Variants in CELF2 observed in about 807,000 individuals in gnomAD.
CELF2 encodes CUGBP Elav-like family member 2.
CELF2 carries 8 observed loss-of-function variants against 62.6 expected under a neutral mutation model. The observed-to-expected ratio is 0.13, with a 90% CI of 0.07 to 0.23. The LOEUF (loss-of-function observed/expected upper bound fraction) is 0.23. Ranked by LOEUF, CELF2 falls within the 10% of genes least tolerant of loss-of-function variation. CELF2 has a pLI of 1.00. For synonymous variants in CELF2, 258 were observed against 250.0 expected (o/e 1.03, Z -0.30); for missense variants, 333 against 671.0 (o/e 0.50, Z 5.56).
intron 1 of CELF2, among the ~76,000 whole-genome samples, chr10:10,822,142 C>G (rs1182640049): frequency 2.6e-5 from 4 of 152,186 alleles, no homozygotes; most frequent in African/African-American, 9.6e-5. Flanking sequence ...GTTCTAGAGC[C>G]TGTGTTTCCT....
chr10:10,828,830 G>T (rs916670334), intron 1 of CELF2, among the ~76,000 whole-genome samples: 8 of 151,278 alleles, frequency 5.3e-5, no homozygotes, highest in African/African-American at 1.7e-4. Context: ...GGACAGGAAT[G>T]AATTGAATAA....
rs1184244343 is a variant in CELF2, at chr10:11,302,804, T to C, written c.977-11335T>C. ...CTAAATTGACATGAGATTTTCACATTGTTCCGCTGTGCTGCGGACAGTGGA... is the reference window on the plus strand; with the variant it reads ...CTAAATTGACATGAGATTTTCACATCGTTCCGCTGTGCTGCGGACAGTGGA... On this transcript the variant is annotated intron_variant, in intron 9 of 12. Coordinates refer to ENST00000633077, the MANE Select transcript of CELF2 (RefSeq NM_001326342.2). This position sits in a 1 kb window ranked among gnomAD's most constrained non-coding sequence, Gnocchi z 5.0. Among the ~76,000 whole-genome samples, 1 of 152,204 alleles carries C rather than the reference T, an allele frequency of 6.6e-6. No homozygotes were observed. The highest frequency in any genetic ancestry group is 1.5e-5 in the Non-Finnish European group (1 of 68,032).
At chr10:11,114,745 C>T (rs2056148477) in intron 1 of CELF2, among the ~76,000 whole-genome samples, 1 of 152,208 alleles carries the variant, frequency 6.6e-6, no homozygotes, top group Admixed American at 6.5e-5. Flanking sequence ...ACATATTAAA[C>T]TTCACAAAGA....
chr10:10,566,072 T>G, the CELF2 span, among the ~76,000 whole-genome samples: 4 of 152,306 alleles, frequency 2.6e-5, no homozygotes, highest in Non-Finnish European at 5.9e-5. Context: ...ATATGTGTAT[T>G]TAATGTGGCA....
chr10:11,287,410 A>G (rs1034738950), intron 8 of CELF2, among the ~76,000 whole-genome samples: 2 of 152,260 alleles, frequency 1.3e-5, no homozygotes, highest in Admixed American at 6.5e-5. Flanking sequence ...TAAACTAACT[A>G]TCCGGTGTAG....
chr10:11,202,253 A>G (rs532964419), intron 2 of CELF2, among the ~76,000 whole-genome samples: 1 of 152,144 alleles, frequency 6.6e-6, no homozygotes, highest in African/African-American at 2.4e-5. Flanking sequence ...CATTTTTTTC[A>G]CCTCCTGTCA....
At chr10:10,636,496 C>T in the CELF2 span, among the ~76,000 whole-genome samples, 68,358 of 151,984 alleles carry the variant, frequency 0.45, 15,864 homozygotes, top group South Asian at 0.71. Context: ...TCAGAAGAAG[C>T]CAGTGAGCTA....
chr10:11,151,905 T>C (rs2063411143), intron 1 of CELF2, among the ~76,000 whole-genome samples: 1 of 152,210 alleles, frequency 6.6e-6, no homozygotes, highest in Non-Finnish European at 1.5e-5. Context: ...TTGGGAGAAG[T>C]AGCCCCCTCT....
chr10:10,498,398 A>G, the CELF2 span, among the ~76,000 whole-genome samples: 1 of 152,212 alleles, frequency 6.6e-6, no homozygotes, highest in Non-Finnish European at 1.5e-5. Context: ...ATGGCTAACA[A>G]TGGTGAAAGT....
chr10:10,747,423 G>T, the CELF2 span, among the ~76,000 whole-genome samples: 3 of 152,164 alleles, frequency 2.0e-5, no homozygotes, highest in Non-Finnish European at 4.4e-5. Flanking sequence ...TGCAAATTGT[G>T]GCAAGTGCAA....
chr10:10,682,626 T>C, the CELF2 span, among the ~76,000 whole-genome samples: 2 of 152,148 alleles, frequency 1.3e-5, no homozygotes, highest in African/African-American at 2.4e-5. Context: ...TAAACATTTC[T>C]CTTGTTTCTC....
chr10:10,719,002 T>G, the CELF2 span, among the ~76,000 whole-genome samples: 10 of 146,400 alleles, frequency 6.8e-5, no homozygotes, highest in African/African-American at 2.5e-4. Context: ...TTTTTTTTTT[T>G]TTTGACAGAG....
At chr10:10,532,571 A>C in the CELF2 span, among the ~76,000 whole-genome samples, 21 of 152,336 alleles carry the variant, frequency 1.4e-4, no homozygotes, top group South Asian at 4.1e-3. Context: ...TTACATTGAG[A>C]GCAGCAGAAC....
At position 11,318,090 on chromosome 10, in the gene CELF2, G is replaced by A. The variant is rs1373349595; in HGVS notation, c.1097-3099G>A. 6.6e-6 allele frequency: 1 copy of A among 152,226 alleles called. No homozygotes were observed. The highest frequency in any genetic ancestry group is 1.5e-5 in the Non-Finnish European group (1 of 68,088). The allele number at this position is 152,226 out of a possible 1,614,324, so 9.4% of individuals were successfully genotyped here. On this transcript the variant is annotated intron_variant, in intron 10 of 12. Transcript: ENST00000633077. The surrounding 1 kb of genome is among the most constrained non-coding windows in gnomAD (Gnocchi z 5.4). The stretch of plus-strand genomic sequence containing the variant: ...GAAATCAAGTGCCTGCAGCTGGGTT[G>A]ACCAACACTGTCTTTGATAGAATTA...
At chr10:10,832,312 CAAG>C (rs1020407946) in intron 1 of CELF2, among the ~76,000 whole-genome samples, 4 of 151,614 alleles carry the variant, frequency 2.6e-5, no homozygotes, top group Admixed American at 1.3e-4. Context: ...AAAGATTTGC[CAAG>C]AGAAGAACAA....
At chr10:10,463,393 C>T in the CELF2 span, among the ~76,000 whole-genome samples, 1 of 152,134 alleles carries the variant, frequency 6.6e-6, no homozygotes, top group Non-Finnish European at 1.5e-5. Context: ...TTAGCACTGA[C>T]CAGATCACTT....
chr10:11,048,685 C>T (rs891668668), intron 1 of CELF2, among the ~76,000 whole-genome samples: 2 of 152,242 alleles, frequency 1.3e-5, no homozygotes, highest in African/African-American at 4.8e-5. Flanking sequence ...CAGTCTTCCT[C>T]TTTTCTTGAG....
rs35482385 is a variant in CELF2, at chr10:10,979,672, C to CAAAAAAA, written c.89+59692_89+59698dup. 8.7e-4 allele frequency among the ~76,000 whole-genome samples: 60 copies of CAAAAAAA among 68,962 alleles called. 1 individual carries two copies. Among genetic ancestry groups the CAAAAAAA allele is most frequent in the African/African-American group, 2.5e-3 (54 of 21,220 alleles). 45.2% of individuals were successfully genotyped at this position (68,962 alleles called of 152,430 possible). A position where few individuals can be genotyped will look rare whatever the true frequency, so the allele number is the denominator to read the frequency against. ...GGCGATAGAGCCAGACCTTGTCTCT[C>CAAAAAAA]AAAAAAAAAAAAAAAAAAAAAAAAA... On this transcript the variant is annotated intron_variant, in intron 2 of 13. Coordinates refer to the CELF2 transcript ENST00000636488.
At chr10:10,796,436 G>C (rs1177651754), upstream of CELF2, among the ~76,000 whole-genome samples, 1 of 152,200 alleles carries the variant, frequency 6.6e-6, no homozygotes, top group African/African-American at 2.4e-5. Context: ...TTTTTGAAAA[G>C]ACAGCTGCTT....
Sources: allele counts gnomAD v4.1 joint callset (sites outside exome capture counted in the v4.1 genomes callset), GRCh38; gene constraint gnomAD v4.1.1; non-coding constraint Gnocchi (gnomAD v3.1); transcripts MANE v1.5; gene names NCBI Gene and HGNC (gene_info 2026-07-23, HGNC 2026-07-21).